The following TFCP2 variants were observed in gnomAD, a reference collection of about 807,000 sequenced individuals.
The protein encoded by TFCP2 is transcription factor CP2.
A neutral mutation model predicts 73.4 loss-of-function variants in TFCP2; 33 were observed. The ratio of observed to expected loss-of-function variants is 0.45; its 90% CI spans 0.34 to 0.60. The LOEUF (loss-of-function observed/expected upper bound fraction) is 0.60. Ranked by LOEUF, TFCP2 falls within the 20% of genes least tolerant of loss-of-function variation. TFCP2 has a pLI of 0.01. For missense variants in TFCP2, 352 were observed against 604.0 expected (o/e 0.58, Z 4.37); for synonymous variants, 193 against 211.6 (o/e 0.91, Z 0.76).
In TFCP2 at chr12:51,104,171, G is replaced by T. The variant is rs780806650; in HGVS notation, c.950C>A (p.Pro317His). 1.2e-6 allele frequency: 2 copies of T among 1,614,050 alleles called. No individual in the cohort carries two copies. Among genetic ancestry groups the T allele is most frequent in the South Asian group, 2.2e-5 (2 of 91,074 alleles). ...NGSPNHQPEP[P>H]PPVTDNLLPT... ...TAGACTTACATCTGTGACTGGAGGG[G>T]GTGGCTCTGGCTGGTGGTTTGGTGA... Residue 317 changes from proline (P) to histidine (H), a missense_variant, in exon 9 of 15, where the codon CCC (proline) becomes CAC (histidine). This residue lies in a region of TFCP2 where 194 missense variants were observed against 256.3 expected (regional missense o/e 0.76). Transcript: ENST00000257915.
chr12:51,165,827 A>T (rs547324603), intron 1 of TFCP2, among the ~76,000 whole-genome samples: 2 of 152,180 alleles, frequency 1.3e-5, no homozygotes, highest in Non-Finnish European at 1.5e-5. Context: ...AATAGAAGGA[A>T]ACTTATTTAA....
At chr12:51,145,038 T>C (rs1445301847) in intron 1 of TFCP2, among the ~76,000 whole-genome samples, 1 of 151,892 alleles carries the variant, frequency 6.6e-6, no homozygotes, top group African/African-American at 2.4e-5. Context: ...CTGTCTCTAC[T>C]AAAAATACAA....
At chr12:51,166,010 TCAAA>T (rs750944747) in intron 1 of TFCP2, among the ~76,000 whole-genome samples, 14 of 151,444 alleles carry the variant, frequency 9.2e-5, no homozygotes, top group Middle Eastern at 3.4e-3. Flanking sequence ...AGACCCCATC[TCAAA>T]CAAACAAACA....
At chr12:51,145,622 T>C (rs1941282856) in intron 1 of TFCP2, among the ~76,000 whole-genome samples, 1 of 118,770 alleles carries the variant, frequency 8.4e-6, no homozygotes, top group Admixed American at 8.5e-5. Context: ...TCAAAAATCA[T>C]ATACCATAAA....
At chr12:51,125,286 ATCAG>A in intron 1 of TFCP2, 8 of 557,442 alleles carry the variant, frequency 1.4e-5, no homozygotes, top group South Asian at 1.2e-4. Context: ...TTGTCCTGGA[ATCAG>A]TCAAAGATGA....
chr12:51,132,668 C>T (rs796509449), intron 1 of TFCP2, among the ~76,000 whole-genome samples: 20 of 152,086 alleles, frequency 1.3e-4, no homozygotes, highest in African/African-American at 4.6e-4. Context: ...CGTGCCCGGC[C>T]GGGTCTAGTC....
At chr12:51,163,701 C>T (rs1234724480) in intron 1 of TFCP2, among the ~76,000 whole-genome samples, 3 of 151,794 alleles carry the variant, frequency 2.0e-5, no homozygotes, top group Non-Finnish European at 4.4e-5. Flanking sequence ...GTGGGAGAAT[C>T]GCTTGAGCCC....
chr12:51,102,876 T>C (rs17125369), intron 10 of TFCP2, among the ~76,000 whole-genome samples: 22,187 of 151,724 alleles, frequency 0.15, 2,051 homozygotes, highest in East Asian at 0.49. Context: ...TTATTTTGAT[T>C]CGATTAGTTG....
chr12:51,138,578 A>G (rs1218253127), intron 1 of TFCP2, among the ~76,000 whole-genome samples: 1 of 152,102 alleles, frequency 6.6e-6, no homozygotes, highest in Non-Finnish European at 1.5e-5. Flanking sequence ...TTTTATGCTA[A>G]AAGTGATAGG....
intron 1 of TFCP2, among the ~76,000 whole-genome samples, chr12:51,127,746 G>C (rs1940845393): frequency 1.3e-5 from 2 of 152,160 alleles, no homozygotes; most frequent in Non-Finnish European, 2.9e-5. Context: ...GACTGTCAAA[G>C]GGTGCCTATC....
At chr12:51,122,787 C>T (rs1047530662) in intron 1 of TFCP2, among the ~76,000 whole-genome samples, 3 of 152,070 alleles carry the variant, frequency 2.0e-5, no homozygotes, top group African/African-American at 7.2e-5. Flanking sequence ...TGTTCTAGTC[C>T]TTTTATTTCT....
chr12:51,170,301 G>A (rs1050002016), intron 1 of TFCP2, among the ~76,000 whole-genome samples: 4 of 151,040 alleles, frequency 2.6e-5, no homozygotes, highest in African/African-American at 9.8e-5. Context: ...TTTATATAAC[G>A]ATAGTATTTT....
intron 13 of TFCP2, among the ~76,000 whole-genome samples, chr12:51,096,700 T>C (rs911572740): frequency 6.6e-6 from 1 of 152,224 alleles, no homozygotes; most frequent in East Asian, 1.9e-4. Flanking sequence ...TAATTTCTGG[T>C]ATATAATTCT....
intron 1 of TFCP2, among the ~76,000 whole-genome samples, chr12:51,131,502 T>C (rs924677740): frequency 2.0e-5 from 3 of 152,146 alleles, no homozygotes; most frequent in Non-Finnish European, 2.9e-5. Flanking sequence ...GAAGTTAAGA[T>C]ATAAAAGGTT....
chr12:51,123,730 T>A (rs1162549186), intron 1 of TFCP2, among the ~76,000 whole-genome samples: 1 of 152,158 alleles, frequency 6.6e-6, no homozygotes, highest in Non-Finnish European at 1.5e-5. Flanking sequence ...CTAGATTAAT[T>A]CATTCCAATG....
intron 1 of TFCP2, among the ~76,000 whole-genome samples, chr12:51,138,107 GTATT>G (rs1941103125): frequency 6.6e-6 from 1 of 151,954 alleles, no homozygotes; most frequent in Admixed American, 6.6e-5. Context: ...ACTTTTCTGT[GTATT>G]TATTTATTTT....
chr12:51,101,777 A>ATT (rs1940114660), intron 11 of TFCP2, among the ~76,000 whole-genome samples, 158 bp downstream of exon 11: 1 of 152,228 alleles, frequency 6.6e-6, no homozygotes, highest in Non-Finnish European at 1.5e-5. Flanking sequence ...AAAGTGCAAG[A>ATT]AAACATTTTT....
chr12:51,119,991 C>T (rs1487076879), intron 1 of TFCP2, among the ~76,000 whole-genome samples: 9 of 151,576 alleles, frequency 5.9e-5, no homozygotes. Flanking sequence ...CCAGCCTGGC[C>T]AACATGGTGA....
intron 1 of TFCP2, among the ~76,000 whole-genome samples, chr12:51,157,681 CTTTTCTTTTT>C (rs199597643): frequency 1.3e-5 from 1 of 77,288 alleles, no homozygotes; most frequent in Non-Finnish European, 2.5e-5. Context: ...TTTTTCTTTT[CTTTTCTTTTT>C]TTTTTTTTTT....
Sources: gnomAD v4.1 joint callset for allele counts (sites outside exome capture counted in the v4.1 genomes callset) on GRCh38, gnomAD v4.1.1 for gene constraint, gnomAD v4.1.1 regional missense constraint, MANE v1.5 for transcripts, NCBI Gene and HGNC (gene_info 2026-07-23, HGNC 2026-07-21) for gene names.